IQSEC1: variants seen among roughly 807,000 people sequenced by gnomAD.
IQSEC1 encodes IQ motif and Sec7 domain ArfGEF 1.
IQSEC1 carries 31 observed loss-of-function variants against 91.0 expected under a neutral mutation model. That is an observed-to-expected ratio of 0.34 (90% confidence interval 0.26 to 0.46). The LOEUF is 0.46. Ranked by LOEUF, IQSEC1 falls within the 20% of genes least tolerant of loss-of-function variation. IQSEC1 has a pLI of 1.00. For synonymous variants in IQSEC1, 699 were observed against 662.6 expected (o/e 1.05, Z -0.84); for missense variants, 1,388 against 1,575.6 (o/e 0.88, Z 2.02).
At chr3:13,161,648 G>A (rs1404697872) in intron 2 of IQSEC1, among the ~76,000 whole-genome samples, 2 of 152,216 alleles carry the variant, frequency 1.3e-5, no homozygotes, top group Non-Finnish European at 2.9e-5. Flanking sequence ...GGCAGGTAAA[G>A]CCATGACGAG....
At chr3:13,065,532 G>T (rs1705203480) in intron 1 of IQSEC1, among the ~76,000 whole-genome samples, 1 of 152,198 alleles carries the variant, frequency 6.6e-6, no homozygotes, top group Admixed American at 6.5e-5. Context: ...AAAAACACAA[G>T]ATACCACTTC....
chr3:13,184,912 G>C (rs977617770), intron 1 of IQSEC1, among the ~76,000 whole-genome samples: 3 of 152,204 alleles, frequency 2.0e-5, no homozygotes, highest in Admixed American at 1.3e-4. Flanking sequence ...AAAGGAGTGA[G>C]GCAGATAGAT....
chr3:13,267,955 C>G (rs577654598), intron 1 of IQSEC1, among the ~76,000 whole-genome samples: 1 of 152,294 alleles, frequency 6.6e-6, no homozygotes, highest in South Asian at 2.1e-4. Flanking sequence ...GCTGTGCCCC[C>G]CCTTAACCAG....
chr3:13,213,367 T>C (rs551752180), intron 1 of IQSEC1, among the ~76,000 whole-genome samples: 7 of 152,260 alleles, frequency 4.6e-5, no homozygotes, highest in Non-Finnish European at 8.8e-5. Flanking sequence ...TTTTATTCCA[T>C]CCATCTAGAT....
rs1484771753 is a variant in IQSEC1 at position 12,909,829 on chromosome 3, C to T, written c.2417-395G>A. 6.6e-6 allele frequency among the ~76,000 whole-genome samples: 1 copy of T among 152,262 alleles called. No homozygotes were observed. Among genetic ancestry groups the T allele is most frequent in the Non-Finnish European group, 1.5e-5 (1 of 68,046 alleles). On this transcript the variant is annotated intron_variant, in intron 10 of 13. Transcript: ENST00000613206. The surrounding 1 kb of genome is among the most constrained non-coding windows in gnomAD (Gnocchi z 4.9). ...GCTCCCATGGGGTGCACTATGGGCACTCCACAGCCAAGGAACCCTGTGCCC... is the reference window on the plus strand; with the variant it reads ...GCTCCCATGGGGTGCACTATGGGCATTCCACAGCCAAGGAACCCTGTGCCC...
At chr3:12,907,522 C>T (rs569237157) in intron 12 of IQSEC1, among the ~76,000 whole-genome samples, 2 of 152,172 alleles carry the variant, frequency 1.3e-5, no homozygotes, top group African/African-American at 2.4e-5. Context: ...CGGCGGAGGG[C>T]GGCTACGATA....
At chr3:13,195,074 G>A (rs1694102432) in intron 1 of IQSEC1, among the ~76,000 whole-genome samples, 1 of 152,090 alleles carries the variant, frequency 6.6e-6, no homozygotes, top group African/African-American at 2.4e-5. Context: ...TACTGACTGG[G>A]GAGAATGTTA....
intron 2 of IQSEC1, among the ~76,000 whole-genome samples, chr3:13,094,275 T>A (rs1032272306): frequency 1.3e-5 from 2 of 152,010 alleles, no homozygotes; most frequent in African/African-American, 4.8e-5. Context: ...CATCAGGCCT[T>A]GAAGGATGAG....
intron 1 of IQSEC1, among the ~76,000 whole-genome samples, chr3:13,197,636 G>A (rs1424518138): frequency 6.6e-6 from 1 of 152,224 alleles, no homozygotes; most frequent in African/African-American, 2.4e-5. Flanking sequence ...CTTCACGGCC[G>A]CATGCAGTAG....
intron 1 of IQSEC1, among the ~76,000 whole-genome samples, chr3:12,963,546 T>A (rs866070875): frequency 6.6e-6 from 1 of 152,206 alleles, no homozygotes; most frequent in African/African-American, 2.4e-5. Context: ...TTGTTGGGGA[T>A]CTATCTGTAT....
At chr3:13,264,949 T>C (rs538715635) in intron 1 of IQSEC1, among the ~76,000 whole-genome samples, 2 of 152,112 alleles carry the variant, frequency 1.3e-5, no homozygotes, top group Non-Finnish European at 2.9e-5. Flanking sequence ...TCTGTGTCTC[T>C]CTGTCTGTCT....
intron 1 of IQSEC1, among the ~76,000 whole-genome samples, chr3:13,263,524 C>T (rs1334115343): frequency 1.3e-5 from 2 of 151,480 alleles, no homozygotes; most frequent in Non-Finnish European, 2.9e-5. Context: ...CTCACTGCAA[C>T]CTCCACCTCC....
chr3:12,971,647 T>C (rs1224058207), intron 1 of IQSEC1, among the ~76,000 whole-genome samples: 5 of 152,228 alleles, frequency 3.3e-5, no homozygotes, highest in African/African-American at 1.2e-4. Context: ...TGTATAATCA[T>C]AGATTACTTC....
At chr3:13,254,432 T>C (rs1695251534) in intron 1 of IQSEC1, among the ~76,000 whole-genome samples, 1 of 152,172 alleles carries the variant, frequency 6.6e-6, no homozygotes, top group Non-Finnish European at 1.5e-5. Context: ...CAACTGGTGA[T>C]CAGGAAGGCT....
At chr3:12,958,890 G>A (rs1700078218) in intron 1 of IQSEC1, among the ~76,000 whole-genome samples, 1 of 152,246 alleles carries the variant, frequency 6.6e-6, no homozygotes, top group Admixed American at 6.5e-5. Flanking sequence ...GCACTGTGGG[G>A]TGGCACAGCA....
intron 2 of IQSEC1, among the ~76,000 whole-genome samples, chr3:13,142,345 G>A (rs1165336769): frequency 2.6e-5 from 4 of 152,224 alleles, no homozygotes; most frequent in African/African-American, 9.6e-5. Flanking sequence ...AGCCCCAGAT[G>A]CATGCTCAGA....
At chr3:12,957,340 G>C (rs1380680397) in intron 1 of IQSEC1, among the ~76,000 whole-genome samples, 2 of 152,210 alleles carry the variant, frequency 1.3e-5, no homozygotes, top group African/African-American at 4.8e-5. Context: ...TGGCTAAGAA[G>C]GGTGGTTCTT....
At chr3:13,004,981 A>G (rs1702574465) in intron 1 of IQSEC1, among the ~76,000 whole-genome samples, 1 of 152,224 alleles carries the variant, frequency 6.6e-6, no homozygotes, top group Non-Finnish European at 1.5e-5. Context: ...TGTGCAGCCA[A>G]CACTGCTGGT....
chr3:12,964,299 TACAC>T (rs3072719), intron 1 of IQSEC1, among the ~76,000 whole-genome samples: 48,306 of 149,782 alleles, frequency 0.32, 8,533 homozygotes, highest in East Asian at 0.81. Flanking sequence ...ATACTCCCCC[TACAC>T]ACACACACAC....
Sources: gnomAD v4.1 joint callset for allele counts (sites outside exome capture counted in the v4.1 genomes callset) on GRCh38, gnomAD v4.1.1 for gene constraint, Gnocchi (gnomAD v3.1) non-coding constraint, MANE v1.5 for transcripts, NCBI Gene and HGNC (gene_info 2026-07-23, HGNC 2026-07-21) for gene names.